The following HS6ST3 variants were observed in gnomAD, a reference collection of about 807,000 sequenced individuals.
HS6ST3 encodes heparan sulfate 6-O-sulfotransferase 3, also known as heparan-sulfate 6-O-sulfotransferase 3.
HS6ST3 carries 12 observed loss-of-function variants against 36.7 expected under a neutral mutation model. That is an observed-to-expected ratio of 0.33 (90% CI 0.21 to 0.53). The LOEUF (loss-of-function observed/expected upper bound fraction) is 0.53, where lower values mean the gene tolerates loss of function less well. Ranked by LOEUF, HS6ST3 falls within the 20% of genes least tolerant of loss-of-function variation. HS6ST3 has a pLI of 0.95. For synonymous variants in HS6ST3, 240 were observed against 257.5 expected (o/e 0.93, Z 0.65); for missense variants, 584 against 640.9 (o/e 0.91, Z 0.96).
At position 96,785,687 on chromosome 13, in the gene HS6ST3, C is replaced by T. The variant is rs146086440; in HGVS notation, c.708-46803C>T. Among the ~76,000 whole-genome samples, 636 of 152,172 alleles carry T rather than the reference C, an allele frequency of 4.2e-3. 2 individuals are homozygous for T. Among genetic ancestry groups the T allele is most frequent in the Non-Finnish European group, 6.1e-3 (418 of 68,022 alleles). ...ACAACAACAACACCAAACTGAGGGA[C>T]TCATGCAAACAGGAAAGCAACAAGA... On this transcript the variant is annotated intron_variant, in intron 1 of 1. Transcript: ENST00000376705.
chr13:96,574,473 T>C (rs747820296), intron 1 of HS6ST3: 9 of 437,340 alleles, frequency 2.1e-5, no homozygotes, highest in African/African-American at 4.2e-5. Context: ...AACCATACTC[T>C]TCATGCCCCG....
At chr13:96,778,116 G>A (rs1877436893) in intron 1 of HS6ST3, among the ~76,000 whole-genome samples, 1 of 152,182 alleles carries the variant, frequency 6.6e-6, no homozygotes, top group African/African-American at 2.4e-5. Flanking sequence ...AAACTGGACA[G>A]CCATATGCAG....
intron 1 of HS6ST3, among the ~76,000 whole-genome samples, chr13:96,191,314 G>C (rs2054287477): frequency 1.3e-5 from 2 of 152,168 alleles, no homozygotes; most frequent in East Asian, 1.9e-4. Context: ...GACATTCAGT[G>C]CTTCCAATTC....
chr13:96,170,218 C>T (rs1324745837), intron 1 of HS6ST3, among the ~76,000 whole-genome samples: 1 of 152,146 alleles, frequency 6.6e-6, no homozygotes, highest in Non-Finnish European at 1.5e-5. Flanking sequence ...CTATCTTTCC[C>T]ATCAGCCACT....
chr13:96,166,369 G>A (rs981068578), intron 1 of HS6ST3, among the ~76,000 whole-genome samples: 11 of 152,212 alleles, frequency 7.2e-5, no homozygotes, highest in South Asian at 4.2e-4. Flanking sequence ...CAGCCTAACC[G>A]ATTCCTGAGT....
chr13:96,268,245 G>A (rs192334704), intron 1 of HS6ST3, among the ~76,000 whole-genome samples: 2 of 152,070 alleles, frequency 1.3e-5, no homozygotes, highest in East Asian at 1.9e-4. Context: ...CCAGAGACTG[G>A]GTAATTTATA....
intron 1 of HS6ST3, among the ~76,000 whole-genome samples, chr13:96,223,058 G>A (rs775161072): frequency 6.6e-6 from 1 of 152,154 alleles, no homozygotes; most frequent in South Asian, 2.1e-4. Flanking sequence ...TAGTATGGAT[G>A]GATGTGTTTG....
At chr13:96,159,106 A>G (rs1217135348) in intron 1 of HS6ST3, among the ~76,000 whole-genome samples, 1 of 152,188 alleles carries the variant, frequency 6.6e-6, no homozygotes, top group Non-Finnish European at 1.5e-5. Context: ...TTGGGGGTAC[A>G]GACAGAGGGG....
intron 1 of HS6ST3, among the ~76,000 whole-genome samples, chr13:96,425,929 GCT>G (rs1361342342): frequency 6.6e-6 from 1 of 151,852 alleles, no homozygotes; most frequent in African/African-American, 2.4e-5. Flanking sequence ...TACTGAGCAT[GCT>G]CTGTTATTCA....
intron 1 of HS6ST3, among the ~76,000 whole-genome samples, chr13:96,514,969 T>A (rs2056066469): frequency 6.6e-6 from 1 of 152,176 alleles, no homozygotes; most frequent in Non-Finnish European, 1.5e-5. Flanking sequence ...CTTAGATTAG[T>A]ATTTGAAAGT....
chr13:96,123,701 A>G (rs1411419955), intron 1 of HS6ST3, among the ~76,000 whole-genome samples: 2 of 152,176 alleles, frequency 1.3e-5, no homozygotes, highest in Admixed American at 1.3e-4. Flanking sequence ...CTCTTCCCTT[A>G]AAGCAGCCTG....
chr13:96,761,312 C>T (rs755499954), intron 1 of HS6ST3, among the ~76,000 whole-genome samples: 9 of 152,002 alleles, frequency 5.9e-5, no homozygotes, highest in Non-Finnish European at 1.3e-4. Flanking sequence ...ATTTTCCCTC[C>T]AGTCCACTCC....
intron 1 of HS6ST3, among the ~76,000 whole-genome samples, chr13:96,258,653 G>A (rs2054649423): frequency 6.6e-6 from 1 of 152,034 alleles, no homozygotes; most frequent in Non-Finnish European, 1.5e-5. Flanking sequence ...CTGTTTCTTG[G>A]TCATACAGAT....
At chr13:96,747,889 A>T (rs1427194108) in intron 1 of HS6ST3, among the ~76,000 whole-genome samples, 3 of 151,954 alleles carry the variant, frequency 2.0e-5, no homozygotes, top group Non-Finnish European at 4.4e-5. Flanking sequence ...GTCTCTCAGG[A>T]TTGGGGTAGC....
At chr13:96,202,468 G>C (rs917243123) in intron 1 of HS6ST3, among the ~76,000 whole-genome samples, 12 of 152,066 alleles carry the variant, frequency 7.9e-5, no homozygotes, top group African/African-American at 2.7e-4. Context: ...CAGTGATTTT[G>C]CACGTCATCT....
chr13:96,479,599 T>C (rs1446837793), intron 1 of HS6ST3, among the ~76,000 whole-genome samples: 2 of 152,062 alleles, frequency 1.3e-5, no homozygotes, highest in Non-Finnish European at 2.9e-5. Context: ...GTAGTGACAA[T>C]GGTTAGCATT....
intron 1 of HS6ST3, among the ~76,000 whole-genome samples, chr13:96,619,755 A>T (rs2056487543): frequency 6.6e-6 from 1 of 152,266 alleles, no homozygotes; most frequent in Non-Finnish European, 1.5e-5. Context: ...AATCAGAGGA[A>T]ATCAAAGAGC....
intron 1 of HS6ST3, among the ~76,000 whole-genome samples, chr13:96,646,721 G>A (rs969425169): frequency 2.0e-5 from 3 of 151,862 alleles, no homozygotes; most frequent in Non-Finnish European, 4.4e-5. Context: ...GCAGGTCTCC[G>A]TATTGTTCTC....
chr13:96,222,677 G>A (rs1300944710), intron 1 of HS6ST3, among the ~76,000 whole-genome samples: 1 of 152,192 alleles, frequency 6.6e-6, no homozygotes, highest in East Asian at 1.9e-4. Flanking sequence ...ATCAGAAATG[G>A]AAAAATCAGA....
Sources: allele counts gnomAD v4.1 joint callset (sites outside exome capture counted in the v4.1 genomes callset), GRCh38; gene constraint gnomAD v4.1.1; transcripts MANE v1.5; gene names NCBI Gene and HGNC (gene_info 2026-07-23, HGNC 2026-07-21).